GAREM1: variants seen among roughly 807,000 people sequenced by gnomAD.
GAREM1 encodes GRB2 associated regulator of MAPK1 subtype 1.
In GAREM1, 26 loss-of-function variants were observed where a neutral mutation model predicts 71.3. The ratio of observed to expected loss-of-function variants is 0.36; its 90% CI spans 0.27 to 0.51. The LOEUF is 0.51. Ranked by LOEUF, GAREM1 falls within the 20% of genes least tolerant of loss-of-function variation. The probability of loss-of-function intolerance (pLI) is 0.95; values close to 1 mark genes in which losing one functional copy is unlikely to be tolerated. For missense variants in GAREM1, 1,026 were observed against 1,103.1 expected (o/e 0.93, Z 0.99); for synonymous variants, 440 against 433.2 (o/e 1.02, Z -0.20).
chr18:32,352,759 A>G (rs1211515172), intron 2 of GAREM1, among the ~76,000 whole-genome samples: 1 of 152,162 alleles, frequency 6.6e-6, no homozygotes, highest in Non-Finnish European at 1.5e-5. Flanking sequence ...TTATGAGAGA[A>G]GGAAAGAATC....
chr18:32,389,358 T>TAG (rs1369806623), intron 2 of GAREM1, among the ~76,000 whole-genome samples: 1 of 152,190 alleles, frequency 6.6e-6, no homozygotes, highest in African/African-American at 2.4e-5. Context: ...TTATGGAGGC[T>TAG]TACTTAGTGG....
At chr18:32,466,656 T>C (rs1328377918) in intron 1 of GAREM1, among the ~76,000 whole-genome samples, 1 of 152,178 alleles carries the variant, frequency 6.6e-6, no homozygotes, top group African/African-American at 2.4e-5. Flanking sequence ...TTCCCACCCA[T>C]CCAGTTTTGA....
chr18:32,336,943 A>G (rs2047602339), intron 2 of GAREM1, among the ~76,000 whole-genome samples: 1 of 152,210 alleles, frequency 6.6e-6, no homozygotes, highest in Admixed American at 6.5e-5. Context: ...AAAACAGCAC[A>G]ATTCCTGGCT....
chr18:32,453,474 C>A (rs1461108229), intron 1 of GAREM1, among the ~76,000 whole-genome samples: 1 of 152,124 alleles, frequency 6.6e-6, no homozygotes, highest in Non-Finnish European at 1.5e-5. Context: ...CTTTGAGGGT[C>A]CTAGGAGAGA....
chr18:32,430,285 C>T (rs1032926945), intron 1 of GAREM1, among the ~76,000 whole-genome samples: 1 of 152,152 alleles, frequency 6.6e-6, no homozygotes. Flanking sequence ...ATGGCATATA[C>T]AAACATACTG....
chr18:32,396,702 G>A (rs1054227091), intron 1 of GAREM1, among the ~76,000 whole-genome samples: 1 of 152,174 alleles, frequency 6.6e-6, no homozygotes, highest in Non-Finnish European at 1.5e-5. Flanking sequence ...AAAGTGACAG[G>A]GAGAATGGAA....
chr18:32,465,462 T>C (rs574199405), intron 1 of GAREM1, among the ~76,000 whole-genome samples: 1 of 152,212 alleles, frequency 6.6e-6, no homozygotes, highest in Admixed American at 6.5e-5. Context: ...GGACCAAATT[T>C]CCCACAGTCC....
chr18:32,280,873 C>T (rs2046944552), intron 4 of GAREM1, among the ~76,000 whole-genome samples: 1 of 152,098 alleles, frequency 6.6e-6, no homozygotes, highest in Admixed American at 6.5e-5. Context: ...TCCACTCCCA[C>T]CCACCTTCTG....
intron 5 of GAREM1, among the ~76,000 whole-genome samples, chr18:32,269,126 C>T (rs372865873): frequency 2.0e-5 from 3 of 152,040 alleles, no homozygotes; most frequent in Admixed American, 6.6e-5. Flanking sequence ...CTGCAGTGAG[C>T]GAGGGTAGAA....
At chr18:32,384,265 T>C (rs529139289) in intron 2 of GAREM1, among the ~76,000 whole-genome samples, 47 of 152,318 alleles carry the variant, frequency 3.1e-4, no homozygotes, top group African/African-American at 1.1e-3. Flanking sequence ...GAATTCACCC[T>C]TCACTGTGTT....
intron 4 of GAREM1, among the ~76,000 whole-genome samples, chr18:32,274,955 A>G (rs1356914087): frequency 1.3e-5 from 2 of 149,866 alleles, no homozygotes; most frequent in African/African-American, 5.0e-5. Flanking sequence ...GTCACAAAAA[A>G]TACAAAAAAA....
chr18:32,466,772 GATCA>G lies in GAREM1; in HGVS notation c.121+3532_121+3535del, dbSNP rs1418736705. ...AAAGTCAACAGTTTATAAGACTGAT[GATCA>G]ATCAGTTTAAATATCTGATCTTAAT... On this transcript the variant is annotated intron_variant, in intron 1 of 5. Coordinates refer to ENST00000269209, the MANE Select transcript of GAREM1 (RefSeq NM_001242409.2). Among the ~76,000 whole-genome samples, 11 of 152,258 alleles carry G rather than the reference GATCA, an allele frequency of 7.2e-5. No homozygotes were observed. The South Asian group carries it at 2.1e-3, about 29-fold the overall frequency.
chr18:32,431,834 GA>G lies in GAREM1; in HGVS notation c.121+38473del. On this transcript the variant is annotated intron_variant, in intron 1 of 5. Coordinates refer to ENST00000269209, the MANE Select transcript of GAREM1 (RefSeq NM_001242409.2). ...AACCTGATTAAAACAACTACCTATA[GA>G]AAAAAATGGGATTCAATTGACTGTT... 3.3e-5 allele frequency among the ~76,000 whole-genome samples: 5 copies of G among 151,822 alleles called. No homozygotes were observed. In the Middle Eastern group the frequency reaches 0.014, roughly 413 times the overall value.
At chr18:32,368,835 T>C (rs2047950788) in intron 2 of GAREM1, among the ~76,000 whole-genome samples, 1 of 152,214 alleles carries the variant, frequency 6.6e-6, no homozygotes, top group Admixed American at 6.5e-5. Flanking sequence ...AAACTTAGTT[T>C]CCTGGTAATA....
chr18:32,395,401 A>G (rs1022143559), intron 1 of GAREM1, among the ~76,000 whole-genome samples: 1 of 152,240 alleles, frequency 6.6e-6, no homozygotes, highest in African/African-American at 2.4e-5. Flanking sequence ...TACCAATAAC[A>G]AAACTAAGTA....
chr18:32,399,222 T>G (rs967576136), intron 1 of GAREM1, among the ~76,000 whole-genome samples: 2 of 152,138 alleles, frequency 1.3e-5, no homozygotes, highest in South Asian at 2.1e-4. Context: ...TCATACTGAA[T>G]GGGCAAAAAA....
At chr18:32,274,695 C>T (rs549581786) in intron 4 of GAREM1, among the ~76,000 whole-genome samples, 4 of 152,140 alleles carry the variant, frequency 2.6e-5, no homozygotes, top group Non-Finnish European at 5.9e-5. Context: ...CCTGTGCTTT[C>T]CTGCCCCTTT....
At chr18:32,300,462 C>T (rs1162016123) in intron 3 of GAREM1, among the ~76,000 whole-genome samples, 5 of 152,296 alleles carry the variant, frequency 3.3e-5, no homozygotes, top group Admixed American at 2.6e-4. Context: ...CACAGGATGG[C>T]CCATGTATGC....
At chr18:32,282,748 T>C (rs1478221008) in intron 4 of GAREM1, among the ~76,000 whole-genome samples, 1 of 152,188 alleles carries the variant, frequency 6.6e-6, no homozygotes, top group Admixed American at 6.5e-5. Context: ...ACTCATTGCA[T>C]AGACGAGAAC....
Sources: gnomAD v4.1 joint callset for allele counts (sites outside exome capture counted in the v4.1 genomes callset) on GRCh38, gnomAD v4.1.1 for gene constraint, MANE v1.5 for transcripts, NCBI Gene and HGNC (gene_info 2026-07-23, HGNC 2026-07-21) for gene names.